Variants in GPC6 observed in about 807,000 individuals in gnomAD.
GPC6 encodes the protein glypican 6.
A neutral mutation model predicts 55.2 loss-of-function variants in GPC6; 14 were observed. That is an observed-to-expected ratio of 0.25 (90% CI 0.17 to 0.40). GPC6 has a LOEUF of 0.40. GPC6 is among the 10% of genes least tolerant of loss of function. The pLI, the probability that GPC6 is intolerant of heterozygous loss-of-function variation, is 1.00. For synonymous variants in GPC6, 278 were observed against 259.6 expected, an observed-to-expected ratio of 1.07 and a Z score of -0.68; for missense variants, 641 against 708.5, an observed-to-expected ratio of 0.90 and a Z score of 1.08.
chr13:94,337,383 G>A (rs574264785), intron 6 of GPC6, among the ~76,000 whole-genome samples: 1 of 152,084 alleles, frequency 6.6e-6, no homozygotes, highest in South Asian at 2.1e-4. Flanking sequence ...GCAGAGTCAG[G>A]ACTTGGAGCT....
At chr13:94,332,671 C>T (rs1414345291) in intron 6 of GPC6, among the ~76,000 whole-genome samples, 1 of 152,156 alleles carries the variant, frequency 6.6e-6, no homozygotes, top group Non-Finnish European at 1.5e-5. Flanking sequence ...AATAATAATG[C>T]CGTTGTGTCG....
chr13:93,764,875 C>T (rs1319454860), intron 2 of GPC6, among the ~76,000 whole-genome samples: 2 of 152,196 alleles, frequency 1.3e-5, no homozygotes, highest in African/African-American at 4.8e-5. Context: ...TCTCAGCTCA[C>T]TACAAGCTCC....
chr13:93,872,119 T>G (rs1160402632), intron 3 of GPC6, among the ~76,000 whole-genome samples: 1 of 151,972 alleles, frequency 6.6e-6, no homozygotes, highest in Non-Finnish European at 1.5e-5. Flanking sequence ...AAAAGCCTTT[T>G]TGAAATATCA....
At chr13:93,566,785 A>G (rs975394591) in intron 2 of GPC6, among the ~76,000 whole-genome samples, 9 of 151,564 alleles carry the variant, frequency 5.9e-5, no homozygotes, top group African/African-American at 1.5e-4. Context: ...TCATTGTTCA[A>G]CTCCCAGTTA....
chr13:93,222,253 C>A (rs1351787268), upstream of GPC6, among the ~76,000 whole-genome samples: 1 of 152,088 alleles, frequency 6.6e-6, no homozygotes, highest in African/African-American at 2.4e-5. Flanking sequence ...CTCATCTTTA[C>A]TGTAGAAAAC....
chr13:93,969,595 T>A (rs1328066286), intron 3 of GPC6, among the ~76,000 whole-genome samples: 2 of 148,840 alleles, frequency 1.3e-5, no homozygotes, highest in African/African-American at 4.9e-5. Flanking sequence ...AAACTAAGAC[T>A]TTTTTTTTTA....
At chr13:94,235,559 G>C (rs781334762) in intron 4 of GPC6, among the ~76,000 whole-genome samples, 1 of 152,076 alleles carries the variant, frequency 6.6e-6, no homozygotes, top group Non-Finnish European at 1.5e-5. Flanking sequence ...AAGAAACTCT[G>C]ATTAGCAAAT....
At chr13:94,320,845 A>G (rs1876784954) in intron 6 of GPC6, among the ~76,000 whole-genome samples, 1 of 152,210 alleles carries the variant, frequency 6.6e-6, no homozygotes, top group African/African-American at 2.4e-5. Flanking sequence ...ATTTTAGGAA[A>G]TGTGCAGGAA....
Position 93,324,870 on chromosome 13 carries a change from C to T in GPC6, c.160+97254C>T, listed in dbSNP as rs535102573. On this transcript the variant is annotated intron_variant, in intron 1 of 8. Transcript: ENST00000377047. ...GTTCAGACACCCACAGTTTATACAG[C>T]TTGAGTGGTGGCCCTTTGATTTATG... 1.2e-4 allele frequency among the ~76,000 whole-genome samples: 18 copies of T among 152,034 alleles called. No homozygotes were observed. The South Asian group carries it at 2.3e-3, about 19-fold the overall frequency.
chr13:93,683,597 T>C (rs1229037979), intron 2 of GPC6, among the ~76,000 whole-genome samples: 1 of 152,202 alleles, frequency 6.6e-6, no homozygotes, highest in Non-Finnish European at 1.5e-5. Context: ...CTTTGAACTA[T>C]CAATACTACT....
chr13:93,328,045 C>G (rs752209825), intron 1 of GPC6, among the ~76,000 whole-genome samples: 139 of 151,944 alleles, frequency 9.1e-4, no homozygotes, highest in Admixed American at 2.0e-3. Context: ...TTTTTTCCTT[C>G]CAAATGATTA....
intron 2 of GPC6, among the ~76,000 whole-genome samples, chr13:93,569,834 C>G (rs1876317768): frequency 6.6e-6 from 1 of 151,850 alleles, no homozygotes; most frequent in Admixed American, 6.6e-5. Context: ...TAAAAATATC[C>G]TATTCAGAAT....
At chr13:93,754,545 C>G (rs1377069971) in intron 2 of GPC6, among the ~76,000 whole-genome samples, 4 of 151,908 alleles carry the variant, frequency 2.6e-5, no homozygotes. Context: ...AGGTAAAGAG[C>G]TGTCAAAGGG....
chr13:93,576,941 T>A (rs1876695099), intron 2 of GPC6, among the ~76,000 whole-genome samples: 1 of 152,174 alleles, frequency 6.6e-6, no homozygotes, highest in Non-Finnish European at 1.5e-5. Flanking sequence ...ATGCTTTTTA[T>A]ACAAATGCAC....
intron 4 of GPC6, among the ~76,000 whole-genome samples, chr13:94,044,962 C>T (rs1474712640): frequency 2.0e-5 from 3 of 151,600 alleles, no homozygotes; most frequent in African/African-American, 7.3e-5. Context: ...GCTAATATAA[C>T]TAAGAAAACT....
At chr13:93,253,327 C>T (rs1876849729) in intron 1 of GPC6, among the ~76,000 whole-genome samples, 2 of 152,166 alleles carry the variant, frequency 1.3e-5, no homozygotes, top group Admixed American at 1.3e-4. Context: ...AATTGTGCTT[C>T]TGGAATGTAC....
chr13:94,100,123 T>G (rs994972209), intron 4 of GPC6, among the ~76,000 whole-genome samples: 4 of 152,138 alleles, frequency 2.6e-5, no homozygotes, highest in African/African-American at 9.6e-5. Flanking sequence ...AATAAGAAAC[T>G]GCAGATATTC....
chr13:93,697,339 C>G (rs1882496414), intron 2 of GPC6, among the ~76,000 whole-genome samples: 1 of 152,136 alleles, frequency 6.6e-6, no homozygotes, highest in South Asian at 2.1e-4. Flanking sequence ...ATGAAAGTTT[C>G]CTCTCTCAGA....
chr13:93,677,132 AG>A lies in GPC6; in HGVS notation c.319+131712del, dbSNP rs559288404. Among the ~76,000 whole-genome samples the A allele has an allele frequency of 7.9e-5, 12 of 152,272 alleles. No individual in the cohort carries two copies. The South Asian group carries it at 2.5e-3, about 32-fold the overall frequency. On this transcript the variant is annotated intron_variant, in intron 2 of 8. Coordinates refer to ENST00000377047, the MANE Select transcript of GPC6 (RefSeq NM_005708.5). ...TGATATTCTAGGCAAGAGATGATAA[AG>A]TGTTAGATTGAAGCAATAGTTTTAG...
Sources: allele counts gnomAD v4.1 joint callset (sites outside exome capture counted in the v4.1 genomes callset), GRCh38; gene constraint gnomAD v4.1.1; transcripts MANE v1.5; gene names NCBI Gene and HGNC (gene_info 2026-07-23, HGNC 2026-07-21).